The following RIT2 variants were observed in gnomAD, a reference collection of about 807,000 sequenced individuals.
RIT2 encodes the protein Ras like without CAAX 2.
A neutral mutation model predicts 23.7 loss-of-function variants in RIT2; 24 were observed. The ratio of observed to expected loss-of-function variants is 1.01; its 90% CI spans 0.73 to 1.43. The LOEUF (loss-of-function observed/expected upper bound fraction) is 1.43, where lower values mean the gene tolerates loss of function less well. RIT2 is among the 40% of genes most tolerant of loss of function. RIT2 has a pLI of 0.00. For missense variants in RIT2, 236 were observed against 266.9 expected (o/e 0.88, Z 0.81); for synonymous variants, 107 against 91.1 (o/e 1.17, Z -0.99).
At chr18:43,050,083 G>A (rs972462728) in intron 1 of RIT2, among the ~76,000 whole-genome samples, 14 of 146,346 alleles carry the variant, frequency 9.6e-5, no homozygotes, top group Admixed American at 9.1e-4. Context: ...ATGGAGTACA[G>A]TGGCACAATT....
chr18:43,049,598 G>A (rs1912328822), intron 1 of RIT2, among the ~76,000 whole-genome samples: 1 of 152,118 alleles, frequency 6.6e-6, no homozygotes, highest in African/African-American at 2.4e-5. Flanking sequence ...TTAATTGCAG[G>A]TTCTAATTTA....
In RIT2 at chr18:43,109,585, T is replaced by A. The variant is rs12955331; in HGVS notation, c.103+5832A>T. Among the ~76,000 whole-genome samples, 5 of 151,914 alleles carry A rather than the reference T, an allele frequency of 3.3e-5. No homozygotes were observed. In the South Asian group the frequency reaches 1.0e-3, roughly 31 times the overall value. ...TAAGACATAATTTAAATACCATCTA[T>A]GCTGTGATTTCTTCTCAACTTTCAC... On this transcript the variant is annotated intron_variant, in intron 1 of 4. Transcript: ENST00000326695.
chr18:42,757,220 A>G (rs1246596452), intron 4 of RIT2, among the ~76,000 whole-genome samples: 2 of 152,200 alleles, frequency 1.3e-5, no homozygotes, highest in Admixed American at 1.3e-4. Flanking sequence ...GTTTTAACTT[A>G]TTTTCATTAA....
chr18:42,909,294 G>A (rs998830240), intron 4 of RIT2, among the ~76,000 whole-genome samples: 4 of 152,112 alleles, frequency 2.6e-5, no homozygotes, highest in Admixed American at 1.3e-4. Context: ...GCATAAGAGT[G>A]ACGTAATGGA....
At chr18:42,948,156 A>G (rs1333524292) in intron 3 of RIT2, among the ~76,000 whole-genome samples, 2 of 152,106 alleles carry the variant, frequency 1.3e-5, no homozygotes. Context: ...ATTTAATCTT[A>G]TGCAGAGGAT....
intron 1 of RIT2, among the ~76,000 whole-genome samples, chr18:43,086,110 T>C (rs1241659616): frequency 6.6e-6 from 1 of 152,232 alleles, no homozygotes; most frequent in Non-Finnish European, 1.5e-5. Context: ...ATTTCAGATT[T>C]GTTCAGATTT....
In RIT2 at chr18:43,005,879, G is replaced by A. The variant is rs1456781106; in HGVS notation, c.160+27932C>T. Among the ~76,000 whole-genome samples the A allele has an allele frequency of 2.0e-5, 3 of 151,898 alleles. No individual in the cohort carries two copies. In the East Asian group the frequency reaches 5.9e-4, roughly 30 times the overall value. On this transcript the variant is annotated intron_variant, in intron 2 of 4. Coordinates refer to ENST00000326695, the MANE Select transcript of RIT2 (RefSeq NM_002930.4). ...TCAAAAGGCCAGAAAGCGTCTTGGAGAATAGTAGCTGCAACTGAGGGGGAT... is the reference window on the plus strand; with the variant it reads ...TCAAAAGGCCAGAAAGCGTCTTGGAAAATAGTAGCTGCAACTGAGGGGGAT...
intron 2 of RIT2, among the ~76,000 whole-genome samples, chr18:43,015,970 G>A (rs986740396): frequency 1.3e-5 from 2 of 151,792 alleles, no homozygotes; most frequent in Non-Finnish European, 2.9e-5. Flanking sequence ...ATATTCAACT[G>A]CTGAGAAGCT....
At chr18:42,976,408 T>C (rs1447330539) in intron 2 of RIT2, among the ~76,000 whole-genome samples, 3 of 152,068 alleles carry the variant, frequency 2.0e-5, no homozygotes, top group Non-Finnish European at 4.4e-5. Flanking sequence ...ATAAGATTAA[T>C]TATGAATATA....
intron 4 of RIT2, among the ~76,000 whole-genome samples, chr18:42,746,040 G>T (rs993703659): frequency 9.9e-5 from 15 of 152,080 alleles, no homozygotes; most frequent in African/African-American, 3.6e-4. Context: ...TGGCAGCTCT[G>T]CTCCAGGCTG....
At chr18:42,877,705 C>A (rs1907780154) in intron 4 of RIT2, among the ~76,000 whole-genome samples, 1 of 151,638 alleles carries the variant, frequency 6.6e-6, no homozygotes, top group Non-Finnish European at 1.5e-5. Context: ...ATCTTTTGAG[C>A]ACAAACATGA....
At chr18:42,770,337 T>C (rs1381886696) in intron 4 of RIT2, among the ~76,000 whole-genome samples, 1 of 152,196 alleles carries the variant, frequency 6.6e-6, no homozygotes, top group Non-Finnish European at 1.5e-5. Flanking sequence ...GAGTAGAACA[T>C]AACAATCCTC....
At chr18:42,785,661 C>T (rs555019840) in intron 4 of RIT2, among the ~76,000 whole-genome samples, 23 of 152,194 alleles carry the variant, frequency 1.5e-4, no homozygotes, top group Admixed American at 2.6e-4. Flanking sequence ...ATATGTGGAA[C>T]TCATCCTCCT....
intron 4 of RIT2, among the ~76,000 whole-genome samples, chr18:42,862,268 C>T (rs1254580855): frequency 1.3e-5 from 2 of 152,094 alleles, no homozygotes; most frequent in Non-Finnish European, 2.9e-5. Context: ...CCTTCACTCT[C>T]TCTCTCTCCT....
chr18:42,885,842 A>G (rs1208058291), intron 4 of RIT2, among the ~76,000 whole-genome samples: 1 of 152,192 alleles, frequency 6.6e-6, no homozygotes, highest in Non-Finnish European at 1.5e-5. Context: ...TTAATCCAAT[A>G]AATTTATGAT....
chr18:42,927,914 G>T (rs1315899939), intron 3 of RIT2, among the ~76,000 whole-genome samples: 1 of 151,924 alleles, frequency 6.6e-6, no homozygotes, highest in East Asian at 1.9e-4. Context: ...ATCAGAGTAA[G>T]AATTTTAAGC....
At chr18:42,931,761 A>T (rs1426327576) in intron 3 of RIT2, among the ~76,000 whole-genome samples, 1 of 152,152 alleles carries the variant, frequency 6.6e-6, no homozygotes, top group Non-Finnish European at 1.5e-5. Context: ...GTGTTGTGAA[A>T]GGATTTCATC....
intron 1 of RIT2, among the ~76,000 whole-genome samples, chr18:43,058,814 G>A (rs768340314): frequency 2.0e-5 from 3 of 152,048 alleles, no homozygotes; most frequent in Non-Finnish European, 4.4e-5. Context: ...ACTTGAGCCT[G>A]GGAGGTCGAG....
At chr18:42,832,089 T>G (rs1037417191) in intron 4 of RIT2, among the ~76,000 whole-genome samples, 1 of 152,144 alleles carries the variant, frequency 6.6e-6, no homozygotes, top group African/African-American at 2.4e-5. Flanking sequence ...GGAGAAAGCT[T>G]CAGGGCAGGC....
Sources: gnomAD v4.1 joint callset for allele counts (sites outside exome capture counted in the v4.1 genomes callset) on GRCh38, gnomAD v4.1.1 for gene constraint, MANE v1.5 for transcripts, NCBI Gene and HGNC (gene_info 2026-07-23, HGNC 2026-07-21) for gene names.